Variants in KLHL20 observed in about 807,000 individuals in gnomAD.
KLHL20 encodes the protein kelch like family member 20, also known as kelch-like protein 20.
A neutral mutation model predicts 69.5 loss-of-function variants in KLHL20; 29 were observed. The observed-to-expected ratio is 0.42, with a 90% CI of 0.31 to 0.57. The LOEUF is 0.57. KLHL20 is among the 20% of genes least tolerant of loss of function. The pLI, the probability that KLHL20 is intolerant of heterozygous loss-of-function variation, is 0.18. For missense variants in KLHL20, 419 were observed against 776.0 expected (o/e 0.54, Z 5.47); for synonymous variants, 253 against 265.2 (o/e 0.95, Z 0.45).
chr1:173,742,803 A>G (rs190955954), intron 3 of KLHL20, among the ~76,000 whole-genome samples: 57 of 151,626 alleles, frequency 3.8e-4, no homozygotes, highest in Non-Finnish European at 6.6e-4. Context: ...AGTAAAAGTT[A>G]TTAATAGTAT....
chr1:173,739,273 G>A (rs1341107683), intron 3 of KLHL20, among the ~76,000 whole-genome samples: 6 of 151,772 alleles, frequency 4.0e-5, no homozygotes, highest in African/African-American at 1.2e-4. Context: ...GGGCTTCACC[G>A]TTTTGCCCAG....
chr1:173,778,873 G>T, intron 10 of KLHL20, among the ~76,000 whole-genome samples: 1 of 151,492 alleles, frequency 6.6e-6, no homozygotes, highest in Non-Finnish European at 1.5e-5. Flanking sequence ...TCTGCCTAAA[G>T]GTTTGTTGAT....
In KLHL20 at chr1:173,781,429, C is replaced by A. The variant is rs1486628840; in HGVS notation, c.1639-695C>A. Reference sequence around the variant, plus strand: ...CTTTCAGGCTCAAGCAGTCCTCCTGCCTCAGCCTTCCAAGTAGCCGGGACT... The same window carrying A: ...CTTTCAGGCTCAAGCAGTCCTCCTGACTCAGCCTTCCAAGTAGCCGGGACT... On this transcript the variant is annotated intron_variant, in intron 10 of 11. Coordinates refer to ENST00000209884, the MANE Select transcript of KLHL20 (RefSeq NM_014458.4). Among the ~76,000 whole-genome samples the A allele has an allele frequency of 2.6e-5, 4 of 152,098 alleles. No individual in the cohort carries two copies. The East Asian group carries it at 7.7e-4, about 29-fold the overall frequency.
At chr1:173,730,112 A>G (rs1231011266) in intron 2 of KLHL20, among the ~76,000 whole-genome samples, 1 of 152,222 alleles carries the variant, frequency 6.6e-6, no homozygotes, top group Non-Finnish European at 1.5e-5. Flanking sequence ...GTGAACTCCC[A>G]TTCACAATTG....
chr1:173,724,962 C>A (rs991833584), intron 2 of KLHL20, among the ~76,000 whole-genome samples: 1 of 152,020 alleles, frequency 6.6e-6, no homozygotes, highest in Admixed American at 6.6e-5. Context: ...GATATAAGTT[C>A]ACTTTGTTAT....
chr1:173,738,578 CAGG>C (rs1270524940), intron 3 of KLHL20, among the ~76,000 whole-genome samples: 1 of 152,142 alleles, frequency 6.6e-6, no homozygotes, highest in African/African-American at 2.4e-5. Flanking sequence ...TTCCAGTTCT[CAGG>C]GGGAATGCTT....
chr1:173,733,049 A>C (rs1429660957), intron 2 of KLHL20, among the ~76,000 whole-genome samples: 2 of 142,834 alleles, frequency 1.4e-5, no homozygotes, highest in Non-Finnish European at 3.0e-5. Context: ...TTTGAGACAG[A>C]GTCTCTGTCA....
intron 10 of KLHL20, among the ~76,000 whole-genome samples, chr1:173,778,719 ATC>A (rs934278435): frequency 2.6e-5 from 4 of 152,054 alleles, no homozygotes; most frequent in Admixed American, 6.6e-5. Context: ...CTAGGAATTT[ATC>A]TGTTTCTTCT....
chr1:173,778,974 T>C (rs1242903408), intron 10 of KLHL20, among the ~76,000 whole-genome samples: 2 of 152,158 alleles, frequency 1.3e-5, no homozygotes, highest in Non-Finnish European at 2.9e-5. Context: ...CTGATCTTTA[T>C]TGTTTCTTCT....
chr1:173,739,080 GT>G (rs879421334), intron 3 of KLHL20, among the ~76,000 whole-genome samples: 9 of 150,308 alleles, frequency 6.0e-5, no homozygotes, highest in African/African-American at 1.7e-4. Flanking sequence ...ACCAAGTCTT[GT>G]TTTTTTTTGG....
intron 7 of KLHL20, among the ~76,000 whole-genome samples, chr1:173,765,932 A>G (rs868755407): frequency 2.0e-5 from 3 of 152,206 alleles, no homozygotes; most frequent in Non-Finnish European, 2.9e-5. Flanking sequence ...AACTTTATCA[A>G]TAATATTCTG....
intron 3 of KLHL20, among the ~76,000 whole-genome samples, chr1:173,737,596 C>G (rs1672596627): frequency 6.6e-6 from 1 of 152,086 alleles, no homozygotes. Flanking sequence ...ATTTTTATGC[C>G]AGTATCATGC....
At chr1:173,747,277 G>T (rs559854683) in intron 3 of KLHL20, among the ~76,000 whole-genome samples, 151 of 152,006 alleles carry the variant, frequency 9.9e-4, no homozygotes, top group Non-Finnish European at 1.0e-3. Context: ...GTGTGTTAAA[G>T]TCTCTTATTA....
At chr1:173,751,966 G>A in intron 4 of KLHL20, 44 bp downstream of exon 4, 1 of 1,578,384 alleles carries the variant, frequency 6.3e-7, no homozygotes, top group East Asian at 2.3e-5. Context: ...GACCGGGCAT[G>A]GTGGCTCATG....
chr1:173,757,179 A>G lies in KLHL20; in HGVS notation c.1151+20A>G, dbSNP rs1571904562. On this transcript the variant is annotated intron_variant, in intron 7 of 11. Coordinates refer to ENST00000209884, the MANE Select transcript of KLHL20 (RefSeq NM_014458.4). ...TGAAAGGTGAGTAAGGTCAATCTGT[A>G]ATTTTCTCTCTACTATTCATATAGT... is the stretch of plus-strand genomic sequence containing the variant. The G allele has an allele frequency of 1.3e-6, 2 of 1,581,342 alleles. No individual in the cohort carries two copies. Among genetic ancestry groups the G allele is most frequent in the East Asian group, 4.5e-5 (2 of 44,302 alleles).
Position 173,734,220 on chromosome 1 carries a change from T to G in KLHL20, c.531T>G (p.Ala177=), listed in dbSNP as rs1365785328. ...ACTGCCTGGGCATTCGGGCTTTTGC[T>G]GACACACATTCATGTCGTGAGTTGC... ...PSNCLGIRAF[A]DTHSCRELLR... The change falls in exon 3 of 12, where the codon GCT becomes GCG. Residue 177 remains alanine, a synonymous_variant. Transcript: ENST00000209884. The G allele has an allele frequency of 5.0e-6, 8 of 1,614,092 alleles. No individual in the cohort carries two copies. In the East Asian group the frequency reaches 1.8e-4, roughly 36 times the overall value.
intron 6 of KLHL20, among the ~76,000 whole-genome samples, chr1:173,756,614 T>A (rs1673560768): frequency 6.6e-6 from 1 of 152,242 alleles, no homozygotes; most frequent in Non-Finnish European, 1.5e-5. Context: ...AATGTGCAGC[T>A]CATCCCATAA....
intron 8 of KLHL20, 86 bp from the exon 9 acceptor site, chr1:173,774,219 A>G: frequency 1.3e-6 from 2 of 1,484,228 alleles, no homozygotes; most frequent in Non-Finnish European, 1.9e-6. Flanking sequence ...CCGTGTACTC[A>G]GTATATCGTT....
chr1:173,725,764 C>T (rs932731639), intron 2 of KLHL20, among the ~76,000 whole-genome samples: 6 of 152,250 alleles, frequency 3.9e-5, no homozygotes, highest in Middle Eastern at 3.4e-3. Context: ...AAACCAAAAA[C>T]GAGGAGCCAA....
Sources: gnomAD v4.1 joint callset for allele counts (sites outside exome capture counted in the v4.1 genomes callset) on GRCh38, gnomAD v4.1.1 for gene constraint, MANE v1.5 for transcripts, NCBI Gene and HGNC (gene_info 2026-07-23, HGNC 2026-07-21) for gene names.